Variants in DPPA2 observed in about 807,000 individuals in gnomAD.
DPPA2 encodes the protein developmental pluripotency-associated protein 2.
Under a neutral mutation model 36.2 loss-of-function variants are expected in DPPA2, and 26 were observed. The observed-to-expected ratio is 0.72, with a 90% CI of 0.53 to 1.00. The LOEUF is 1.00. Ranked by LOEUF, DPPA2 falls within the 50% of genes least tolerant of loss-of-function variation. The pLI is 0.00. For synonymous variants in DPPA2, 113 were observed against 123.2 expected, an observed-to-expected ratio of 0.92 and a Z score of 0.55; for missense variants, 361 against 365.1, an observed-to-expected ratio of 0.99 and a Z score of 0.09.
intron 6 of DPPA2, among the ~76,000 whole-genome samples, chr3:109,307,388 G>T (rs1289267652): frequency 6.6e-6 from 1 of 151,998 alleles, no homozygotes; most frequent in African/African-American, 2.4e-5. Flanking sequence ...GATGGTCTGA[G>T]GTCAGGGGTT....
chr3:109,309,050 C>T lies in DPPA2; in HGVS notation c.372G>A (p.Arg124=), dbSNP rs201912260. Residue 124 remains arginine, a synonymous_variant, in exon 5 of 9, where the codon AGG becomes AGA. Transcript: ENST00000478945. ...KKIEVYLRLH[R]HAYPEQRQDM... is the part of the protein sequence containing the mutation. ...CTTGCCGTTGTTCAGGGTAAGCATG[C>T]CTATGAAGCCTCAGATAAACTTCGA... The T allele has an allele frequency of 6.2e-7, 1 of 1,614,092 alleles. No individual in the cohort carries two copies. The highest frequency in any genetic ancestry group is 8.5e-7 in the Non-Finnish European group (1 of 1,180,028).
chr3:109,314,404 T>C (rs1707756598), intron 2 of DPPA2, 106 bp downstream of exon 2: 2 of 1,177,290 alleles, frequency 1.7e-6, no homozygotes, highest in Admixed American at 2.5e-5. Context: ...GGAGATTTCT[T>C]ACATCCAGGA....
chr3:109,302,167 A>G (rs766865234), intron 7 of DPPA2, among the ~76,000 whole-genome samples: 4 of 152,180 alleles, frequency 2.6e-5, no homozygotes, highest in African/African-American at 9.6e-5. Context: ...TCCTTCCTAC[A>G]TACTCTTATC....
chr3:109,314,429 T>C, intron 2 of DPPA2, 81 bp downstream of exon 2: 1 of 1,408,634 alleles, frequency 7.1e-7, no homozygotes. Flanking sequence ...AGATTTGTGG[T>C]AAAAGAGAAA....
At chr3:109,310,271 G>A (rs116004024) in intron 3 of DPPA2, among the ~76,000 whole-genome samples, 5,030 of 148,136 alleles carry the variant, frequency 0.034, 313 homozygotes, top group African/African-American at 0.11. Context: ...GCATGGGGGT[G>A]CACACCTGCA....
chr3:109,309,661 G>C (rs1384996623), intron 3 of DPPA2, among the ~76,000 whole-genome samples: 3 of 151,960 alleles, frequency 2.0e-5, no homozygotes, highest in East Asian at 3.9e-4. Flanking sequence ...CTGCACTCCA[G>C]CCTGGGCGAC....
At chr3:109,313,861 C>A (rs1233069868) in intron 2 of DPPA2, among the ~76,000 whole-genome samples, 1 of 152,176 alleles carries the variant, frequency 6.6e-6, no homozygotes, top group East Asian at 1.9e-4. Context: ...GGGCTCAAAG[C>A]AGCTATGTGA....
intron 3 of DPPA2, 144 bp from the exon 4 acceptor site, chr3:109,309,474 T>A: frequency 1.3e-6 from 1 of 775,998 alleles, no homozygotes. Context: ...GATCACGAGG[T>A]CAGGAGATCG....
chr3:109,307,526 C>T (rs1320239957), intron 6 of DPPA2, among the ~76,000 whole-genome samples: 1 of 146,964 alleles, frequency 6.8e-6, no homozygotes, highest in East Asian at 2.0e-4. Context: ...TTGCTTGAAA[C>T]TGGGAGGCAG....
At chr3:109,301,246 T>C (rs1384203228) in intron 7 of DPPA2, among the ~76,000 whole-genome samples, 2 of 152,086 alleles carry the variant, frequency 1.3e-5, no homozygotes, top group Non-Finnish European at 2.9e-5. Flanking sequence ...CCCAAAGTGC[T>C]AGGATTGCAG....
Sources: gnomAD v4.1 joint callset for allele counts (sites outside exome capture counted in the v4.1 genomes callset) on GRCh38, gnomAD v4.1.1 for gene constraint, MANE v1.5 for transcripts, NCBI Gene and HGNC (gene_info 2026-07-23, HGNC 2026-07-21) for gene names.